RFX3: variants seen among roughly 807,000 people sequenced by gnomAD.
RFX3 encodes the protein transcription factor RFX3.
In RFX3, 14 loss-of-function variants were observed where a neutral mutation model predicts 98.6. The ratio of observed to expected loss-of-function variants is 0.14; its 90% CI spans 0.09 to 0.22. RFX3 has a LOEUF of 0.22. RFX3 is among the 10% of genes least tolerant of loss of function. The probability of loss-of-function intolerance (pLI) is 1.00; values close to 1 mark genes in which losing one functional copy is unlikely to be tolerated. For synonymous variants in RFX3, 383 were observed against 328.4 expected (o/e 1.17, Z -1.80); for missense variants, 639 against 926.9 (o/e 0.69, Z 4.03).
At chr9:3,365,006 T>TA (rs1836883143) in intron 2 of RFX3, among the ~76,000 whole-genome samples, 1 of 151,790 alleles carries the variant, frequency 6.6e-6, no homozygotes, top group African/African-American at 2.4e-5. Context: ...AACAGTTAAG[T>TA]AAAAAAAGTA....
At chr9:3,381,055 C>T (rs1365313431) in intron 2 of RFX3, among the ~76,000 whole-genome samples, 2 of 151,868 alleles carry the variant, frequency 1.3e-5, no homozygotes, top group African/African-American at 4.8e-5. Flanking sequence ...AGAAACACTC[C>T]ATTTTTCAAA....
At chr9:3,346,980 G>A (rs1834505108) in intron 2 of RFX3, among the ~76,000 whole-genome samples, 1 of 152,180 alleles carries the variant, frequency 6.6e-6, no homozygotes, top group African/African-American at 2.4e-5. Flanking sequence ...TAACTTCCCT[G>A]CAGGTATAAA....
intron 14 of RFX3, among the ~76,000 whole-genome samples, chr9:3,251,598 T>C (rs542494309): frequency 6.6e-6 from 1 of 151,712 alleles, no homozygotes; most frequent in African/African-American, 2.4e-5. Context: ...CTCCCCCAAA[T>C]AGCTGGGATT....
chr9:3,361,345 G>C (rs1425651625), intron 2 of RFX3, among the ~76,000 whole-genome samples: 1 of 152,056 alleles, frequency 6.6e-6, no homozygotes, highest in Non-Finnish European at 1.5e-5. Context: ...GGGAAATGAA[G>C]CAATTGAGGA....
At chr9:3,298,972 T>C (rs1027345413) in intron 5 of RFX3, among the ~76,000 whole-genome samples, 1 of 151,748 alleles carries the variant, frequency 6.6e-6, no homozygotes, top group Non-Finnish European at 1.5e-5. Context: ...TTTCTCCCAA[T>C]GTTTTTACAT....
intron 2 of RFX3, among the ~76,000 whole-genome samples, chr9:3,360,482 C>T (rs1346931091): frequency 2.6e-5 from 4 of 152,000 alleles, no homozygotes; most frequent in African/African-American, 9.7e-5. Context: ...ACTGTAATAA[C>T]ATTCTGTACC....
chr9:3,408,610 T>TCACA (rs1467668848), intron 1 of RFX3, among the ~76,000 whole-genome samples: 77 of 150,604 alleles, frequency 5.1e-4, no homozygotes, highest in African/African-American at 1.9e-3. Context: ...TCTCTCTCTC[T>TCACA]CTCACACACA....
intron 1 of RFX3, among the ~76,000 whole-genome samples, chr9:3,422,854 T>C (rs908870341): frequency 6.6e-6 from 1 of 152,100 alleles, no homozygotes; most frequent in Non-Finnish European, 1.5e-5. Flanking sequence ...GAAATGTAAT[T>C]TCTATATAAT....
At chr9:3,460,072 A>G (rs1847551867) in intron 1 of RFX3, among the ~76,000 whole-genome samples, 1 of 152,102 alleles carries the variant, frequency 6.6e-6, no homozygotes, top group Non-Finnish European at 1.5e-5. Context: ...TTGGTTACAT[A>G]TCAAAGGACC....
At chr9:3,339,448 A>C (rs1305262211) in intron 3 of RFX3, among the ~76,000 whole-genome samples, 1 of 152,230 alleles carries the variant, frequency 6.6e-6, no homozygotes, top group Non-Finnish European at 1.5e-5. Flanking sequence ...CCAGAGGAAA[A>C]AACACAACAA....
chr9:3,316,443 T>G (rs772387581), intron 4 of RFX3, among the ~76,000 whole-genome samples: 2 of 152,030 alleles, frequency 1.3e-5, no homozygotes, highest in Non-Finnish European at 2.9e-5. Context: ...AAAACTGGAA[T>G]CATTCCCTTT....
intron 1 of RFX3, among the ~76,000 whole-genome samples, chr9:3,471,084 A>C (rs896936528): frequency 6.6e-6 from 1 of 152,208 alleles, no homozygotes; most frequent in African/African-American, 2.4e-5. Flanking sequence ...GAGAGTACTG[A>C]AATTCAAAAA....
At chr9:3,294,130 A>G (rs1453159114) in intron 5 of RFX3, among the ~76,000 whole-genome samples, 1 of 152,198 alleles carries the variant, frequency 6.6e-6, no homozygotes, top group African/African-American at 2.4e-5. Flanking sequence ...AACATTAACA[A>G]AATTAAATCT....
At chr9:3,343,857 G>C (rs1016682283) in intron 3 of RFX3, among the ~76,000 whole-genome samples, 1 of 152,162 alleles carries the variant, frequency 6.6e-6, no homozygotes, top group African/African-American at 2.4e-5. Flanking sequence ...TGGACTTTGT[G>C]ACAAATGACC....
intron 3 of RFX3, 28 bp from the exon 4 acceptor site, chr9:3,330,545 T>C (rs770029149): frequency 6.3e-7 from 1 of 1,577,046 alleles, no homozygotes; most frequent in South Asian, 1.1e-5. Context: ...AAAAGAAATT[T>C]ACTAGCTTAT....
At position 3,495,435 on chromosome 9, in the gene RFX3, G is replaced by A. The variant is rs1463737727; in HGVS notation, c.-9+30312C>T. 2.0e-5 allele frequency among the ~76,000 whole-genome samples: 3 copies of A among 152,028 alleles called. No individual in the cohort carries two copies. In the East Asian group the frequency reaches 5.8e-4, roughly 29 times the overall value. On this transcript the variant is annotated intron_variant, in intron 1 of 16. Coordinates refer to ENST00000617270, the MANE Select transcript of RFX3 (RefSeq NM_001282116.2). ...TGTAAAAAAATGGCAGCTATCAATA[G>A]AATATATTTTAACTCTGAAATTTAA... is the stretch of plus-strand genomic sequence containing the variant.
chr9:3,459,277 G>A (rs935101164), intron 1 of RFX3, among the ~76,000 whole-genome samples: 1 of 152,180 alleles, frequency 6.6e-6, no homozygotes, highest in Non-Finnish European at 1.5e-5. Flanking sequence ...ACTGTTTGCT[G>A]TGACATGATT....
chr9:3,313,001 G>A (rs1830143394), intron 4 of RFX3, among the ~76,000 whole-genome samples: 1 of 152,216 alleles, frequency 6.6e-6, no homozygotes, highest in Non-Finnish European at 1.5e-5. Flanking sequence ...CTGTCTGACA[G>A]CTTTGAAGAG....
intron 2 of RFX3, among the ~76,000 whole-genome samples, chr9:3,355,987 T>A (rs1184114434): frequency 6.6e-6 from 1 of 151,826 alleles, no homozygotes; most frequent in African/African-American, 2.4e-5. Flanking sequence ...ATGTATTGAA[T>A]TGAATGTTAC....
Sources: allele counts gnomAD v4.1 joint callset (sites outside exome capture counted in the v4.1 genomes callset), GRCh38; gene constraint gnomAD v4.1.1; transcripts MANE v1.5; gene names NCBI Gene and HGNC (gene_info 2026-07-23, HGNC 2026-07-21).